PTGIR: variants seen among roughly 807,000 people sequenced by gnomAD.
PTGIR encodes prostacyclin receptor.
In PTGIR, 16 loss-of-function variants were observed where a neutral mutation model predicts 17.6. That is an observed-to-expected ratio of 0.91 (90% CI 0.61 to 1.38). The LOEUF (loss-of-function observed/expected upper bound fraction) is 1.38, where lower values mean the gene tolerates loss of function less well. Among genes scored for constraint, PTGIR ranks in the 40% most tolerant of loss-of-function variants. PTGIR has a pLI of 0.00. For synonymous variants in PTGIR, 274 were observed against 255.4 expected, an observed-to-expected ratio of 1.07 and a Z score of -0.69; for missense variants, 532 against 548.6, an observed-to-expected ratio of 0.97 and a Z score of 0.30.
rs765853853 is a variant in PTGIR at position 46,621,572 on chromosome 19, C to G, written c.869G>C (p.Trp290Ser). Residue 290 changes from tryptophan to serine, a missense_variant, in exon 3 of 3, where the codon TGG becomes TCG. Coordinates refer to ENST00000291294, the MANE Select transcript of PTGIR (RefSeq NM_000960.4). This position sits in a 1 kb window ranked among gnomAD's most constrained non-coding sequence, Gnocchi z 4.8. Reference protein sequence around the residue: ...FYAFNPILDPWVFILFRKAVF... With the variant: ...FYAFNPILDPSVFILFRKAVF... Reference sequence around the variant, plus strand: ...AGCCTTGCGGAAAAGGATGAAGACCCAGGGGTCCAGGATGGGGTTGAAGGC... The same window carrying G: ...AGCCTTGCGGAAAAGGATGAAGACCGAGGGGTCCAGGATGGGGTTGAAGGC... 6.2e-7 allele frequency: 1 copy of G among 1,614,010 alleles called. No individual in the cohort carries two copies. Among genetic ancestry groups the G allele is most frequent in the Non-Finnish European group, 8.5e-7 (1 of 1,180,042 alleles).
chr19:46,619,527 AAGAAAGAAAGAAAGAAAGAAAGAG>A (rs1972012150), downstream of PTGIR, among the ~76,000 whole-genome samples: 1 of 55,364 alleles, frequency 1.8e-5, no homozygotes, highest in Non-Finnish European at 3.6e-5. Flanking sequence ...GAAAGAAAGA[AAGAAAGAAAGAAAGAAAGAAAGAG>A]AGAGAGAGAG....
chr19:46,619,600 G>GA (rs771737004), downstream of PTGIR, among the ~76,000 whole-genome samples: 19 of 101,746 alleles, frequency 1.9e-4, 1 homozygote, highest in African/African-American at 7.7e-4. Context: ...AGAAAAGAAA[G>GA]AAAGGAAAGA....
In PTGIR at chr19:46,621,596, G is replaced by A; in HGVS notation, c.845C>T (p.Ala282Val). 3 of 1,613,732 alleles carry A rather than the reference G, an allele frequency of 1.9e-6. No individual in the cohort carries two copies. The South Asian group carries it at 3.3e-5, about 18-fold the overall frequency. ...MGDLLAFRFY[A>V]FNPILDPWVF... ...CCAGGGGTCCAGGATGGGGTTGAAG[G>A]CGTAGAAGCGGAAGGCAAGGAGGTC... The change falls in exon 3 of 3, where the codon GCC (alanine) becomes GTC (valine). Residue 282 changes from alanine to valine, a missense_variant. Transcript: ENST00000291294. The surrounding 1 kb of genome is among the most constrained non-coding windows in gnomAD (Gnocchi z 4.8).
At chr19:46,611,210 G>A in the PTGIR span, among the ~76,000 whole-genome samples, 1 of 152,172 alleles carries the variant, frequency 6.6e-6, no homozygotes, top group African/African-American at 2.4e-5. Context: ...ATGTATGGAA[G>A]CCCTGAGGCA....
chr19:46,624,342 C>A, intron 1 of PTGIR, 105 bp from the exon 2 acceptor site: 1 of 1,054,376 alleles, frequency 9.5e-7, no homozygotes, highest in Non-Finnish European at 1.3e-6. Flanking sequence ...GCTGGGGCCT[C>A]CCAGCCAACC....
chr19:46,613,561 AG>A, the PTGIR span, among the ~76,000 whole-genome samples: 1 of 151,868 alleles, frequency 6.6e-6, no homozygotes, highest in African/African-American at 2.4e-5. Context: ...CAAACTCCTG[AG>A]CTCAGGCAGT....
chr19:46,614,838 T>A, the PTGIR span, among the ~76,000 whole-genome samples: 6 of 152,172 alleles, frequency 3.9e-5, no homozygotes, highest in African/African-American at 1.4e-4. Flanking sequence ...CTGGCCAACA[T>A]AATGAAACCC....
At chr19:46,614,478 C>T in the PTGIR span, 2 of 966,842 alleles carry the variant, frequency 2.1e-6, no homozygotes, top group Non-Finnish European at 2.5e-6. Context: ...CCCTTGAGTC[C>T]CCCGTTCCCA....
chr19:46,613,980 A>T, the PTGIR span, among the ~76,000 whole-genome samples: 1 of 152,354 alleles, frequency 6.6e-6, no homozygotes, highest in South Asian at 2.1e-4. Flanking sequence ...ACATTATTAA[A>T]TAATCATGAC....
At position 46,623,454 on chromosome 19, in the gene PTGIR, T is replaced by C; in HGVS notation, c.768+4A>G. The C allele has an allele frequency of 6.5e-7, 1 of 1,543,016 alleles. No homozygotes were observed. The highest frequency in any genetic ancestry group is 8.8e-7 in the Non-Finnish European group (1 of 1,140,714). ...CACTCCTCCCAGCTCCGGAGGGGAC[T>C]CACCGTGAGAGGCAGGGAGCACACG... On this transcript the variant is annotated splice_donor_region_variant and intron_variant, in intron 2 of 2. Transcript: ENST00000291294.
chr19:46,621,757 G>C lies in PTGIR; in HGVS notation c.769-85C>G. 6.6e-7 allele frequency: 1 copy of C among 1,512,740 alleles called. No individual in the cohort carries two copies. The highest frequency in any genetic ancestry group is 1.3e-5 in the South Asian group (1 of 76,426). The allele number at this position is 1,512,740 out of a possible 1,614,324, so 93.7% of individuals were successfully genotyped here. A position where few individuals can be genotyped will look rare whatever the true frequency, so the allele number is the denominator to read the frequency against. On this transcript the variant is annotated intron_variant, in intron 2 of 2. Transcript: ENST00000291294. This position sits in a 1 kb window ranked among gnomAD's most constrained non-coding sequence, Gnocchi z 4.8. ...CTCCCTCCTCCCACTTGCTTACCAGGGATGAGGTAGGGGTGACATGTCAGA... is the reference window on the plus strand; with the variant it reads ...CTCCCTCCTCCCACTTGCTTACCAGCGATGAGGTAGGGGTGACATGTCAGA...
the PTGIR span, among the ~76,000 whole-genome samples, chr19:46,614,850 G>A: frequency 6.6e-6 from 1 of 152,102 alleles, no homozygotes; most frequent in South Asian, 2.1e-4. Flanking sequence ...ATGAAACCCC[G>A]TTCCTACTAA....
In PTGIR at chr19:46,624,061, T is replaced by C; in HGVS notation, c.165A>G (p.Gly55=). The C allele has an allele frequency of 6.5e-7, 1 of 1,539,142 alleles. No individual in the cohort carries two copies. Among genetic ancestry groups the C allele is most frequent in the South Asian group, 1.2e-5 (1 of 83,436 alleles). ...TGCCCAGCAGGTCGGTGGCCGCCAG[T>C]CCGGTCACCAGCACCGCGAAGGCCG... ...RPSAFAVLVT[G]LAATDLLGTS... Residue 55 remains glycine (G), a synonymous_variant, in exon 2 of 3, where the codon GGA becomes GGG. Coordinates refer to ENST00000291294, the MANE Select transcript of PTGIR (RefSeq NM_000960.4).
chr19:46,623,507 A>G lies in PTGIR; in HGVS notation c.719T>C (p.Leu240Pro). Residue 240 changes from leucine (L) to proline (P), a missense_variant, in exon 2 of 3, where the codon CTG becomes CCG. Physicochemically the swap from Leu to Pro is moderately conservative, Grantham distance 98. Coordinates refer to ENST00000291294, the MANE Select transcript of PTGIR (RefSeq NM_000960.4). Reference protein sequence around the residue: ...TGEDEVDHLILLALMTVVMAV... With the variant: ...TGEDEVDHLIPLALMTVVMAV... ...CATGACCACTGTCATGAGGGCCAGC[A>G]GGATCAGGTGGTCCACCTCGTCCTC... is the stretch of plus-strand genomic sequence containing the variant. The G allele has an allele frequency of 1.9e-6, 3 of 1,579,056 alleles. No individual in the cohort carries two copies. The highest frequency in any genetic ancestry group is 1.8e-5 in the Admixed American group (1 of 54,446).
At chr19:46,611,895 T>G in the PTGIR span, among the ~76,000 whole-genome samples, 35 of 152,284 alleles carry the variant, frequency 2.3e-4, no homozygotes, top group East Asian at 6.8e-3. Flanking sequence ...GAGACAGAAG[T>G]CAGTGGAATA....
the PTGIR span, chr19:46,614,294 G>T: frequency 1.2e-6 from 1 of 815,210 alleles, no homozygotes; most frequent in Non-Finnish European, 1.5e-6. Context: ...CACTCCCAGT[G>T]TGACCAGCAG....
the PTGIR span, among the ~76,000 whole-genome samples, chr19:46,611,352 C>T: frequency 6.6e-6 from 1 of 151,864 alleles, no homozygotes; most frequent in African/African-American, 2.4e-5. Flanking sequence ...CCTCTTGATG[C>T]TTTGGGGAGA....
chr19:46,613,830 G>A, the PTGIR span, among the ~76,000 whole-genome samples: 1 of 152,104 alleles, frequency 6.6e-6, no homozygotes, highest in Non-Finnish European at 1.5e-5. Flanking sequence ...AGCTGAGCGG[G>A]GTCTCAAAGC....
chr19:46,624,458 T>G, intron 1 of PTGIR: 1 of 439,132 alleles, frequency 2.3e-6, no homozygotes, highest in East Asian at 3.6e-5. Context: ...CTCTTTCTTT[T>G]CTTTCGTTTC....
Sources: allele counts gnomAD v4.1 joint callset (sites outside exome capture counted in the v4.1 genomes callset), GRCh38; gene constraint gnomAD v4.1.1; non-coding constraint Gnocchi (gnomAD v3.1); transcripts MANE v1.5; gene names NCBI Gene and HGNC (gene_info 2026-07-23, HGNC 2026-07-21).